WNT3A: variants seen among roughly 807,000 people sequenced by gnomAD.
WNT3A encodes the protein Wnt family member 3A.
WNT3A carries 17 observed loss-of-function variants against 37.0 expected under a neutral mutation model. That is an observed-to-expected ratio of 0.46 (90% confidence interval 0.31 to 0.69). The LOEUF is 0.69. WNT3A is among the 30% of genes least tolerant of loss of function. The pLI, the probability that WNT3A is intolerant of heterozygous loss-of-function variation, is 0.05. For missense variants in WNT3A, 411 were observed against 510.2 expected (o/e 0.81, Z 1.87); for synonymous variants, 187 against 211.0 (o/e 0.89, Z 0.99).
chr1:228,057,560 C>G (rs1383933420), intron 3 of WNT3A, among the ~76,000 whole-genome samples: 1 of 151,830 alleles, frequency 6.6e-6, no homozygotes, highest in Non-Finnish European at 1.5e-5. Flanking sequence ...CTGGGCAGGG[C>G]GAGGGATATG....
In WNT3A at chr1:228,055,219, T is replaced by TACACACACAC. The variant is rs1553311030; in HGVS notation, c.580-3765_580-3756dup. On this transcript the variant is annotated intron_variant, in intron 3 of 3. Coordinates refer to ENST00000284523, the MANE Select transcript of WNT3A (RefSeq NM_033131.4). ...ATATATATATATATATATATATATA[T>TACACACACAC]ACACACACACAATAGATTTGGAAAA... 3.9e-4 allele frequency among the ~76,000 whole-genome samples: 38 copies of TACACACACAC among 98,466 alleles called. 1 individual carries two copies. The highest frequency in any genetic ancestry group is 2.7e-3 in the East Asian group (8 of 2,994). 64.6% of individuals were successfully genotyped at this position (98,466 alleles called of 152,430 possible).
intron 2 of WNT3A, among the ~76,000 whole-genome samples, chr1:228,049,990 G>A (rs2031508171): frequency 6.6e-6 from 1 of 151,520 alleles, no homozygotes; most frequent in African/African-American, 2.4e-5. Flanking sequence ...CATTGCCAAG[G>A]CTGGTCTCAA....
chr1:228,007,190 C>G lies in WNT3A; in HGVS notation c.62C>G (p.Pro21Arg). 1 of 1,604,052 alleles carries G rather than the reference C, an allele frequency of 6.2e-7. No homozygotes were observed. Among genetic ancestry groups the G allele is most frequent in the Non-Finnish European group, 8.5e-7 (1 of 1,175,530 alleles). The change falls in exon 1 of 4, where the codon CCG becomes CGG. Residue 21 changes from proline (P) to arginine (R), a missense_variant. Pro to Arg is a moderately radical substitution (Grantham distance 103, BLOSUM62 -2). Transcript: ENST00000284523. The surrounding 1 kb of genome is among the most constrained non-coding windows in gnomAD (Gnocchi z 6.0). ...CTGAAGCAGGCTCTGGGCAGCTACC[C>G]GATCTGGTGGTGAGTGAGCCTCCTC... ...CSLKQALGSY[P>R]IWWSLAVGPQ...
rs1419136390 is a variant in WNT3A at position 228,050,332 on chromosome 1, G to T, written c.314-324G>T. On this transcript the variant is annotated intron_variant, in intron 2 of 3. Transcript: ENST00000284523. This position sits in a 1 kb window ranked among gnomAD's most constrained non-coding sequence, Gnocchi z 5.0. Reference sequence around the variant, plus strand: ...TGAGCCACTGTACTTAGCCAAAGTTGCTTGTTAAAAAGAGCCTGGTACCAA... The same window carrying T: ...TGAGCCACTGTACTTAGCCAAAGTTTCTTGTTAAAAAGAGCCTGGTACCAA... 6.6e-6 allele frequency among the ~76,000 whole-genome samples: 1 copy of T among 152,218 alleles called. No individual in the cohort carries two copies. The highest frequency in any genetic ancestry group is 2.4e-5 in the African/African-American group (1 of 41,436).
At position 228,039,765 on chromosome 1, in the gene WNT3A, C is replaced by A. The variant is rs2031233836; in HGVS notation, c.314-10891C>A. 6.6e-6 allele frequency among the ~76,000 whole-genome samples: 1 copy of A among 152,178 alleles called. No homozygotes were observed. The highest frequency in any genetic ancestry group is 1.5e-5 in the Non-Finnish European group (1 of 68,020). On this transcript the variant is annotated intron_variant, in intron 2 of 3. Transcript: ENST00000284523. The surrounding 1 kb of genome is among the most constrained non-coding windows in gnomAD (Gnocchi z 4.1). Reference sequence around the variant, plus strand: ...TGACCATTGTTGGAAGCCTCCAGTCCTAATTCCCTGATGGGCTTCCCAGAG... The same window carrying A: ...TGACCATTGTTGGAAGCCTCCAGTCATAATTCCCTGATGGGCTTCCCAGAG...
At chr1:228,053,649 A>G (rs556490903) in intron 3 of WNT3A, among the ~76,000 whole-genome samples, 3 of 152,272 alleles carry the variant, frequency 2.0e-5, no homozygotes, top group Admixed American at 6.5e-5. Flanking sequence ...AGATAGACAA[A>G]CCAATGGGAA....
intron 3 of WNT3A, among the ~76,000 whole-genome samples, chr1:228,055,177 AAAATATATATATAT>A (rs1465926581): frequency 1.2e-4 from 5 of 41,492 alleles, no homozygotes; most frequent in African/African-American, 4.5e-4. Context: ...AAAAAAAAAA[AAAATATATATATAT>A]ATATATATAT....
intron 1 of WNT3A, among the ~76,000 whole-genome samples, chr1:228,020,084 C>T (rs2030658461): frequency 6.6e-6 from 1 of 152,236 alleles, no homozygotes; most frequent in African/African-American, 2.4e-5. Flanking sequence ...ATTAGCCAGG[C>T]ATGGTGGTGC....
At chr1:228,026,978 G>A (rs1202938506) in intron 2 of WNT3A, among the ~76,000 whole-genome samples, 1 of 152,190 alleles carries the variant, frequency 6.6e-6, no homozygotes, top group Admixed American at 6.5e-5. Flanking sequence ...GAGTAGCTGG[G>A]ACTACAGGCA....
chr1:228,057,076 G>A (rs2031697241), intron 3 of WNT3A, among the ~76,000 whole-genome samples: 1 of 152,248 alleles, frequency 6.6e-6, no homozygotes, highest in Non-Finnish European at 1.5e-5. Context: ...AAGAGAATAT[G>A]TAGATAAGTA....
At chr1:228,013,204 C>G (rs540088188) in intron 1 of WNT3A, among the ~76,000 whole-genome samples, 81 of 152,274 alleles carry the variant, frequency 5.3e-4, no homozygotes, top group African/African-American at 1.9e-3. Flanking sequence ...CGTGCCACTA[C>G]GCTTGGCTAG....
Position 228,060,404 on chromosome 1 carries a change from C to T in WNT3A, c.*939C>T, listed in dbSNP as rs2031779232. 1 of 918,316 alleles carries T rather than the reference C, an allele frequency of 1.1e-6. No individual in the cohort carries two copies. Among genetic ancestry groups the T allele is most frequent in the Non-Finnish European group, 1.5e-6 (1 of 659,322 alleles). The allele number at this position is 918,316 out of a possible 1,614,324, so 56.9% of individuals were successfully genotyped here. A position where few individuals can be genotyped will look rare whatever the true frequency, so the allele number is the denominator to read the frequency against. The stretch of plus-strand genomic sequence containing the variant: ...AGGCGCGCCGACGCCTGTGCCACCC[C>T]TTCCTCAGCCTGGGGTTTGACCACC... On this transcript the variant is annotated 3_prime_UTR_variant, in exon 4 of 4. Transcript: ENST00000284523.
In WNT3A at chr1:228,059,290, G is replaced by T; in HGVS notation, c.884G>T (p.Arg295Leu). The T allele has an allele frequency of 6.3e-7, 1 of 1,589,558 alleles. No individual in the cohort carries two copies. ...PETGSFGTRD[R>L]TCNVSSHGID... ...ACGGGCTCCTTCGGCACGCGCGACC[G>T]CACCTGCAACGTCAGCTCGCACGGC... is the stretch of plus-strand genomic sequence containing the variant. The change falls in exon 4 of 4, where the codon CGC becomes CTC. Residue 295 changes from arginine to leucine, a missense_variant. By Grantham distance (102) the Arg-to-Leu change is moderately radical. Coordinates refer to ENST00000284523, the MANE Select transcript of WNT3A (RefSeq NM_033131.4).
rs2030226262 is a variant in WNT3A at position 228,007,292 on chromosome 1, C to T, written c.71+93C>T. The T allele has an allele frequency of 1.5e-6, 2 of 1,323,616 alleles. No homozygotes were observed. Among genetic ancestry groups the T allele is most frequent in the Non-Finnish European group, 2.1e-6 (2 of 965,584 alleles). The allele number at this position is 1,323,616 out of a possible 1,614,324, so 82.0% of individuals were successfully genotyped here. On this transcript the variant is annotated intron_variant, in intron 1 of 3. Coordinates refer to ENST00000284523, the MANE Select transcript of WNT3A (RefSeq NM_033131.4). The surrounding 1 kb of genome is among the most constrained non-coding windows in gnomAD (Gnocchi z 6.0). ...GCAGGGACCCCGCGGTGGCCCGAGC[C>T]CGCGCCCTTCTGCTCCAGCCCCGCG...
intron 2 of WNT3A, among the ~76,000 whole-genome samples, chr1:228,040,878 T>C (rs2031265751): frequency 1.1e-5 from 1 of 93,420 alleles, no homozygotes; most frequent in Non-Finnish European, 2.1e-5. Flanking sequence ...AGAACGAGAC[T>C]CTATCTCAAA....
chr1:228,026,670 T>G (rs1320296635), intron 2 of WNT3A, among the ~76,000 whole-genome samples: 2 of 152,160 alleles, frequency 1.3e-5, no homozygotes, highest in South Asian at 2.1e-4. Flanking sequence ...TGCCTTTGTG[T>G]TCTCATAGCT....
In WNT3A at chr1:228,038,366, G is replaced by T. The variant is rs2031192958; in HGVS notation, c.314-12290G>T. Among the ~76,000 whole-genome samples, 1 of 152,230 alleles carries T rather than the reference G, an allele frequency of 6.6e-6. No individual in the cohort carries two copies. Among genetic ancestry groups the T allele is most frequent in the Non-Finnish European group, 1.5e-5 (1 of 68,040 alleles). On this transcript the variant is annotated intron_variant, in intron 2 of 3. Coordinates refer to ENST00000284523, the MANE Select transcript of WNT3A (RefSeq NM_033131.4). The surrounding 1 kb of genome is among the most constrained non-coding windows in gnomAD (Gnocchi z 5.7). ...GGTCTTCTCCTTCCCCTGTGTTCAG[G>T]CCTCAGTGGGGGAAAAGGGCCCACG...
At chr1:228,049,834 G>A (rs745742380) in intron 2 of WNT3A, among the ~76,000 whole-genome samples, 8 of 152,154 alleles carry the variant, frequency 5.3e-5, no homozygotes, top group Admixed American at 3.3e-4. Context: ...CACCCATGCT[G>A]GAGTGTGACT....
chr1:228,020,722 C>G (rs2030679914), intron 1 of WNT3A, among the ~76,000 whole-genome samples: 1 of 152,102 alleles, frequency 6.6e-6, no homozygotes, highest in Admixed American at 6.5e-5. Flanking sequence ...AAGAAGTGAA[C>G]AAGGGAGCCG....
Sources: allele counts gnomAD v4.1 joint callset (sites outside exome capture counted in the v4.1 genomes callset), GRCh38; gene constraint gnomAD v4.1.1; non-coding constraint Gnocchi (gnomAD v3.1); transcripts MANE v1.5; gene names NCBI Gene and HGNC (gene_info 2026-07-23, HGNC 2026-07-21).